EVI5: variants seen among roughly 807,000 people sequenced by gnomAD.
EVI5 encodes ecotropic viral integration site 5 protein homolog.
A neutral mutation model predicts 112.0 loss-of-function variants in EVI5; 73 were observed. That is an observed-to-expected ratio of 0.65 (90% CI 0.54 to 0.79). The LOEUF (loss-of-function observed/expected upper bound fraction) is 0.79. Among genes scored for constraint, EVI5 ranks in the 30% least tolerant of loss-of-function variants. EVI5 has a pLI of 0.00. For synonymous variants in EVI5, 305 were observed against 319.9 expected (o/e 0.95, Z 0.50); for missense variants, 900 against 968.8 (o/e 0.93, Z 0.94).
intron 9 of EVI5, among the ~76,000 whole-genome samples, chr1:92,684,969 C>T (rs1164588307): frequency 2.0e-5 from 3 of 151,936 alleles, no homozygotes; most frequent in African/African-American, 4.8e-5. Flanking sequence ...GACTTTAACA[C>T]CCCACTGTCA....
At chr1:92,715,681 G>C (rs1673529639) in intron 2 of EVI5, among the ~76,000 whole-genome samples, 1 of 152,206 alleles carries the variant, frequency 6.6e-6, no homozygotes, top group South Asian at 2.1e-4. Flanking sequence ...TAAGCACAAG[G>C]CTTCGGGGGA....
Position 92,728,668 on chromosome 1 carries a change from A to C in EVI5, c.149+7730T>G, listed in dbSNP as rs183752065. 5.0e-3 allele frequency among the ~76,000 whole-genome samples: 759 copies of C among 152,324 alleles called. 2 individuals carry two copies. Among genetic ancestry groups the C allele is most frequent in the Non-Finnish European group, 8.4e-3 (568 of 68,022 alleles). On this transcript the variant is annotated intron_variant, in intron 2 of 19. Coordinates refer to ENST00000684568, the MANE Select transcript of EVI5 (RefSeq NM_001350197.2). ...CTCCCAAAGTGCTAAGATTACAGGC[A>C]TGAGCCACCGGGCCCAGCGAATCAT...
At chr1:92,576,694 T>C (rs1671138628) in intron 18 of EVI5, among the ~76,000 whole-genome samples, 2 of 152,202 alleles carry the variant, frequency 1.3e-5, no homozygotes, top group East Asian at 1.9e-4. Flanking sequence ...GTTTAAGACA[T>C]CTGACAGACT....
intron 18 of EVI5, among the ~76,000 whole-genome samples, chr1:92,575,209 T>C (rs1166412106): frequency 6.6e-6 from 1 of 152,212 alleles, no homozygotes; most frequent in Non-Finnish European, 1.5e-5. Context: ...CCAATTACCA[T>C]TTTGCTACGT....
chr1:92,761,195 T>C (rs1681819690), intron 1 of EVI5, among the ~76,000 whole-genome samples: 1 of 152,152 alleles, frequency 6.6e-6, no homozygotes, highest in South Asian at 2.1e-4. Flanking sequence ...AGTTTCATAG[T>C]AAGTTTTATA....
chr1:92,783,218 T>C (rs977299389), intron 1 of EVI5, among the ~76,000 whole-genome samples: 33 of 152,086 alleles, frequency 2.2e-4, no homozygotes, highest in African/African-American at 4.8e-5. Context: ...GTAGTTATCA[T>C]TTTAGAACAG....
intron 18 of EVI5, among the ~76,000 whole-genome samples, chr1:92,585,929 T>C (rs1400922181): frequency 6.6e-6 from 1 of 152,152 alleles, no homozygotes; most frequent in African/African-American, 2.4e-5. Flanking sequence ...AGGTTCCTTT[T>C]GGCTGTGACA....
At chr1:92,643,094 T>G (rs1389995933) in intron 13 of EVI5, among the ~76,000 whole-genome samples, 1 of 152,104 alleles carries the variant, frequency 6.6e-6, no homozygotes, top group African/African-American at 2.4e-5. Flanking sequence ...TACCCCACAT[T>G]AGCAGGAGTC....
At chr1:92,640,333 A>G (rs4526624) in intron 13 of EVI5, among the ~76,000 whole-genome samples, 140,237 of 152,206 alleles carry the variant, frequency 0.92, 64,693 homozygotes, top group East Asian at 0.97. Flanking sequence ...CCTACAGAAC[A>G]GGAGAAAATT....
intron 1 of EVI5, among the ~76,000 whole-genome samples, chr1:92,767,880 G>C (rs1682871913): frequency 6.6e-6 from 1 of 152,148 alleles, no homozygotes; most frequent in South Asian, 2.1e-4. Flanking sequence ...AGGAGTTCGA[G>C]ACCAGCCTGG....
chr1:92,731,043 G>A (rs976410724), intron 2 of EVI5, among the ~76,000 whole-genome samples: 2 of 152,146 alleles, frequency 1.3e-5, no homozygotes, highest in South Asian at 4.1e-4. Context: ...CAATTGTAGA[G>A]CCAGGCACAG....
rs1419775798 is a variant in EVI5 at position 92,509,796 on chromosome 1, G to A, written c.*3860C>T. On this transcript the variant is annotated 3_prime_UTR_variant, in exon 20 of 20. Coordinates refer to ENST00000684568, the MANE Select transcript of EVI5 (RefSeq NM_001350197.2). ...TCAACCCAGGATGGCAATGACACCA[G>A]GAAGGTAACTGTCCCAAGGGAGCAA... The A allele has an allele frequency of 1.3e-5, 2 of 152,158 alleles. No individual in the cohort carries two copies. Among genetic ancestry groups the A allele is most frequent in the South Asian group, 2.1e-4 (1 of 4,832 alleles). 9.4% of individuals were successfully genotyped at this position (152,158 alleles called of 1,614,324 possible).
intron 2 of EVI5, among the ~76,000 whole-genome samples, chr1:92,724,838 A>T (rs1389179806): frequency 6.6e-6 from 1 of 151,950 alleles, no homozygotes; most frequent in South Asian, 2.1e-4. Flanking sequence ...ATAAATAAAG[A>T]CTTCAGACAA....
At chr1:92,585,037 A>G (rs896173982) in intron 18 of EVI5, among the ~76,000 whole-genome samples, 4 of 152,088 alleles carry the variant, frequency 2.6e-5, no homozygotes, top group African/African-American at 9.7e-5. Context: ...CAGTTTGGCC[A>G]ACGTGGTGAA....
chr1:92,651,230 C>T (rs1257258619), intron 13 of EVI5, among the ~76,000 whole-genome samples: 2 of 152,108 alleles, frequency 1.3e-5, no homozygotes, highest in Non-Finnish European at 2.9e-5. Context: ...AAGATTAACA[C>T]ATATAGGACT....
At chr1:92,614,725 T>C (rs1486280274) in intron 16 of EVI5, among the ~76,000 whole-genome samples, 1 of 151,548 alleles carries the variant, frequency 6.6e-6, no homozygotes, top group Non-Finnish European at 1.5e-5. Flanking sequence ...GCAGACGGCC[T>C]ATTGTGGGAT....
intron 1 of EVI5, 53 bp downstream of exon 1, chr1:92,784,783 C>G (rs1685396059): frequency 2.0e-6 from 2 of 981,694 alleles, no homozygotes. Flanking sequence ...GGAACACGGA[C>G]TCACCGCCCG....
At chr1:92,771,310 A>G (rs1335801341) in intron 1 of EVI5, among the ~76,000 whole-genome samples, 2 of 151,834 alleles carry the variant, frequency 1.3e-5, no homozygotes, top group East Asian at 1.9e-4. Flanking sequence ...ATTCTACTCC[A>G]TCCTTCCTAC....
intron 19 of EVI5, among the ~76,000 whole-genome samples, chr1:92,551,198 C>T (rs1666884097): frequency 6.6e-6 from 1 of 151,716 alleles, no homozygotes; most frequent in African/African-American, 2.4e-5. Flanking sequence ...TGCACCACCA[C>T]ACCCAGCTAA....
Sources: gnomAD v4.1 joint callset for allele counts (sites outside exome capture counted in the v4.1 genomes callset) on GRCh38, gnomAD v4.1.1 for gene constraint, MANE v1.5 for transcripts, NCBI Gene and HGNC (gene_info 2026-07-23, HGNC 2026-07-21) for gene names.